SHISAL1: variants seen among roughly 807,000 people sequenced by gnomAD.
SHISAL1 encodes shisa like 1.
Under a neutral mutation model 22.6 loss-of-function variants are expected in SHISAL1, and 9 were observed. The ratio of observed to expected loss-of-function variants is 0.40; its 90% CI spans 0.24 to 0.70. The LOEUF (loss-of-function observed/expected upper bound fraction) is 0.70. SHISAL1 is among the 30% of genes least tolerant of loss of function. The pLI is 0.39. For missense variants in SHISAL1, 246 were observed against 270.6 expected (o/e 0.91, Z 0.64); for synonymous variants, 119 against 115.4 (o/e 1.03, Z -0.20).
At chr22:44,309,468 G>A (rs150439541) in intron 1 of SHISAL1, among the ~76,000 whole-genome samples, 14 of 152,146 alleles carry the variant, frequency 9.2e-5, no homozygotes, top group Admixed American at 1.3e-4. Context: ...CCCGAGCCCA[G>A]GGCAGAGCAC....
intron 1 of SHISAL1, among the ~76,000 whole-genome samples, chr22:44,306,994 C>T (rs9614229): frequency 0.61 from 91,296 of 150,788 alleles, 27,675 homozygotes; most frequent in East Asian, 0.74. Flanking sequence ...ATGACGATGG[C>T]GTGTGTGGAG....
At chr22:44,327,722 C>A in the SHISAL1 span, among the ~76,000 whole-genome samples, 1 of 152,010 alleles carries the variant, frequency 6.6e-6, no homozygotes, top group Non-Finnish European at 1.5e-5. Flanking sequence ...GATGGGGCCA[C>A]CCTCCTGCCA....
the SHISAL1 span, among the ~76,000 whole-genome samples, chr22:44,326,963 G>A: frequency 2.0e-5 from 3 of 152,168 alleles, no homozygotes; most frequent in South Asian, 6.2e-4. Context: ...AAGGCCTCTG[G>A]ACAATGTCCA....
Position 44,245,815 on chromosome 22 carries a change from A to G in SHISAL1, c.*3870T>C, listed in dbSNP as rs1448042052. ...CTAGCCCTGTCATGTTTTCCCTGAC[A>G]TTCCCAAGTCCTCCTCTTCAGCTCT... On this transcript the variant is annotated 3_prime_UTR_variant, in exon 5 of 5. Coordinates refer to ENST00000381176, the MANE Select transcript of SHISAL1 (RefSeq NM_001099294.2). 4 of 152,256 alleles carry G rather than the reference A, an allele frequency of 2.6e-5. No homozygotes were observed. The highest frequency in any genetic ancestry group is 9.6e-5 in the African/African-American group (4 of 41,466). 9.4% of individuals were successfully genotyped at this position (152,256 alleles called of 1,614,324 possible).
chr22:44,288,556 G>A (rs1399447768), intron 3 of SHISAL1, among the ~76,000 whole-genome samples: 1 of 152,228 alleles, frequency 6.6e-6, no homozygotes, highest in Non-Finnish European at 1.5e-5. Flanking sequence ...CAGGAGAATT[G>A]CGTGAATGCG....
At chr22:44,316,707 C>G (rs1275057801), upstream of SHISAL1, among the ~76,000 whole-genome samples, 2 of 152,342 alleles carry the variant, frequency 1.3e-5, no homozygotes, top group East Asian at 3.9e-4. Flanking sequence ...GTTGGAAATG[C>G]AGGCTCTCGC....
chr22:44,289,385 G>A (rs145343432), intron 3 of SHISAL1, among the ~76,000 whole-genome samples: 16 of 152,220 alleles, frequency 1.1e-4, no homozygotes, highest in East Asian at 3.9e-4. Flanking sequence ...TGCTTGTCCC[G>A]GCCCACCCTC....
At chr22:44,277,647 G>A (rs986563513) in intron 4 of SHISAL1, among the ~76,000 whole-genome samples, 6 of 152,112 alleles carry the variant, frequency 3.9e-5, no homozygotes, top group South Asian at 4.2e-4. Flanking sequence ...CCTGGAGGCC[G>A]AAGGACCCTG....
rs189178668 is a variant in SHISAL1, at chr22:44,248,858, C to G, written c.*827G>C. ...TGGACTTTGGGTTCCGGCACCGCTTCCCCACTGTGAGTTTTTCTGCAGGGG... is the reference window on the plus strand; with the variant it reads ...TGGACTTTGGGTTCCGGCACCGCTTGCCCACTGTGAGTTTTTCTGCAGGGG... On this transcript the variant is annotated 3_prime_UTR_variant, in exon 5 of 5. Transcript: ENST00000381176. The G allele has an allele frequency of 6.6e-6, 1 of 152,280 alleles. No individual in the cohort carries two copies. Among genetic ancestry groups the G allele is most frequent in the Non-Finnish European group, 1.5e-5 (1 of 68,048 alleles). The allele number at this position is 152,280 out of a possible 1,614,324, so 9.4% of individuals were successfully genotyped here. A position where few individuals can be genotyped will look rare whatever the true frequency, so the allele number is the denominator to read the frequency against.
the SHISAL1 span, among the ~76,000 whole-genome samples, chr22:44,330,795 T>TGCC: frequency 1.3e-5 from 2 of 152,154 alleles, no homozygotes; most frequent in African/African-American, 4.8e-5. Context: ...CTTCCGAGGC[T>TGCC]GCCGCCGGGC....
intron 4 of SHISAL1, among the ~76,000 whole-genome samples, chr22:44,265,481 C>T (rs2055155603): frequency 6.6e-6 from 1 of 152,142 alleles, no homozygotes; most frequent in African/African-American, 2.4e-5. Context: ...CCAGCACAGC[C>T]TTGAGATAAC....
At chr22:44,326,442 G>C in the SHISAL1 span, among the ~76,000 whole-genome samples, 17 of 152,270 alleles carry the variant, frequency 1.1e-4, no homozygotes, top group Admixed American at 1.1e-3. Context: ...GCTTGCCAGG[G>C]AGGAATAATC....
intron 4 of SHISAL1, 38 bp from the exon 5 acceptor site, chr22:44,249,723 T>G (rs2055033856): frequency 1.3e-6 from 1 of 778,498 alleles, no homozygotes; most frequent in Non-Finnish European, 2.4e-6. Flanking sequence ...TCACATGGTG[T>G]CTCCTCCATG....
intron 4 of SHISAL1, among the ~76,000 whole-genome samples, chr22:44,283,928 C>T (rs1458660162): frequency 6.6e-6 from 1 of 152,042 alleles, no homozygotes; most frequent in Non-Finnish European, 1.5e-5. Context: ...TGCCAACAGA[C>T]ATTTTATTGT....
intron 4 of SHISAL1, among the ~76,000 whole-genome samples, chr22:44,267,524 G>A (rs530457779): frequency 4.0e-4 from 61 of 151,980 alleles, no homozygotes; most frequent in Admixed American, 3.8e-3. Context: ...GTGGGAGAGC[G>A]GCAGCCTCTC....
rs79545927 is a variant in SHISAL1, at chr22:44,282,897, C to G, written c.599+2531G>C. 8.0e-3 allele frequency among the ~76,000 whole-genome samples: 1,224 copies of G among 152,258 alleles called. 16 individuals carry two copies. Among genetic ancestry groups the G allele is most frequent in the African/African-American group, 0.028 (1,160 of 41,538 alleles). On this transcript the variant is annotated intron_variant, in intron 4 of 4. Transcript: ENST00000381176. Reference sequence around the variant, plus strand: ...AAGTGGTGTTTCATTGACTGGGACACCACATGGAGGCTGGGCCACCCGGGG... The same window carrying G: ...AAGTGGTGTTTCATTGACTGGGACAGCACATGGAGGCTGGGCCACCCGGGG...
At chr22:44,270,508 G>A (rs1368188329) in intron 4 of SHISAL1, among the ~76,000 whole-genome samples, 1 of 152,314 alleles carries the variant, frequency 6.6e-6, no homozygotes, top group African/African-American at 2.4e-5. Context: ...CTTGTGGGAG[G>A]AGCTGGGCAG....
At chr22:44,271,924 G>T (rs773582617) in intron 4 of SHISAL1, among the ~76,000 whole-genome samples, 1 of 152,250 alleles carries the variant, frequency 6.6e-6, no homozygotes, top group African/African-American at 2.4e-5. Flanking sequence ...GGCCTTTGTG[G>T]AAGTGTCCTT....
chr22:44,328,591 G>T, the SHISAL1 span, among the ~76,000 whole-genome samples: 1 of 152,118 alleles, frequency 6.6e-6, no homozygotes, highest in Non-Finnish European at 1.5e-5. Flanking sequence ...CAAGGGCCTG[G>T]GCATGAGGCA....
Sources: allele counts gnomAD v4.1 joint callset (sites outside exome capture counted in the v4.1 genomes callset), GRCh38; gene constraint gnomAD v4.1.1; transcripts MANE v1.5; gene names NCBI Gene and HGNC (gene_info 2026-07-23, HGNC 2026-07-21).